APPL2: variants seen among roughly 807,000 people sequenced by gnomAD.
APPL2 encodes the protein DCC-interacting protein 13-beta.
Under a neutral mutation model 92.7 loss-of-function variants are expected in APPL2, and 84 were observed. The ratio of observed to expected loss-of-function variants is 0.91; its 90% CI spans 0.76 to 1.09. The LOEUF (loss-of-function observed/expected upper bound fraction) is 1.09, where lower values mean the gene tolerates loss of function less well. Among genes scored for constraint, APPL2 ranks in the 50% least tolerant of loss-of-function variants. APPL2 has a pLI of 0.00. For missense variants in APPL2, 736 were observed against 824.5 expected, an observed-to-expected ratio of 0.89 and a Z score of 1.31; for synonymous variants, 291 against 291.0, an observed-to-expected ratio of 1.00 and a Z score of 0.00.
At chr12:105,188,695 A>G (rs1886944695) in intron 16 of APPL2, among the ~76,000 whole-genome samples, 1 of 152,254 alleles carries the variant, frequency 6.6e-6, no homozygotes, top group Non-Finnish European at 1.5e-5. Context: ...AAATGAAATG[A>G]TGGTGGTACC....
At chr12:105,174,600 A>G in intron 20 of APPL2, 152 bp from the exon 21 acceptor site, 2 of 714,848 alleles carry the variant, frequency 2.8e-6, no homozygotes, top group Non-Finnish European at 2.1e-6. Flanking sequence ...TTGCTTCTCA[A>G]ACTCAGGCAT....
chr12:105,210,677 A>G (rs1889138618), intron 5 of APPL2, among the ~76,000 whole-genome samples: 1 of 152,246 alleles, frequency 6.6e-6, no homozygotes, highest in African/African-American at 2.4e-5. Context: ...ACTGACTCAC[A>G]GATTCCCTTA....
Position 105,235,962 on chromosome 12 carries a change from G to A in APPL2, c.51C>T (p.Pro17=). ...LLLEEALQDS[P]QTRSLLSVFE... ...GCACCGGAGCGGCGGGAGGTACCTG[G>A]GGGCTGTCCTGCAACGCCTCCTCTA... Residue 17 remains proline, a synonymous_variant, in exon 1 of 21, where the codon CCC becomes CCT. Coordinates refer to ENST00000258530, the MANE Select transcript of APPL2 (RefSeq NM_018171.5). 2 of 1,249,578 alleles carry A rather than the reference G, an allele frequency of 1.6e-6. No homozygotes were observed. Among genetic ancestry groups the A allele is most frequent in the Non-Finnish European group, 1.0e-6 (1 of 988,530 alleles). 77.4% of individuals were successfully genotyped at this position (1,249,578 alleles called of 1,614,324 possible).
At chr12:105,197,303 A>G in intron 11 of APPL2, among the ~76,000 whole-genome samples, 1 of 152,138 alleles carries the variant, frequency 6.6e-6, no homozygotes, top group Admixed American at 6.5e-5. Flanking sequence ...GCAGCCGACG[A>G]TGCTGCTGCA....
At chr12:105,183,025 T>C (rs1886256071) in intron 17 of APPL2, among the ~76,000 whole-genome samples, 1 of 152,140 alleles carries the variant, frequency 6.6e-6, no homozygotes, top group Non-Finnish European at 1.5e-5. Flanking sequence ...TTTGTCTTTT[T>C]TGATTTCAAG....
chr12:105,196,069 A>AG (rs1199327901), intron 11 of APPL2, among the ~76,000 whole-genome samples: 7 of 151,572 alleles, frequency 4.6e-5, no homozygotes, highest in Non-Finnish European at 7.4e-5. Context: ...AAAAAAAAAA[A>AG]AAAGAAAAAG....
chr12:105,212,118 C>CAAAAAAAAA (rs5800657), intron 4 of APPL2, among the ~76,000 whole-genome samples: 4 of 72,396 alleles, frequency 5.5e-5, no homozygotes, highest in Admixed American at 1.9e-4. Flanking sequence ...GACTCCATCT[C>CAAAAAAAAA]AAAAAAAAAA....
At chr12:105,226,929 A>C (rs1290920456) in intron 2 of APPL2, among the ~76,000 whole-genome samples, 4 of 152,096 alleles carry the variant, frequency 2.6e-5, no homozygotes, top group Non-Finnish European at 5.9e-5. Context: ...CCTGGGCAAC[A>C]TAGTAGGACC....
chr12:105,211,172 TA>T (rs1889179033), intron 5 of APPL2, 57 bp downstream of exon 5: 1 of 1,181,694 alleles, frequency 8.5e-7, no homozygotes, highest in African/African-American at 1.5e-5. Context: ...TAAGAATTAT[TA>T]TGAAATGCAT....
intron 11 of APPL2, 64 bp from the exon 12 acceptor site, chr12:105,195,691 C>CATTT (rs1480076620): frequency 6.3e-7 from 1 of 1,580,880 alleles, no homozygotes; most frequent in Non-Finnish European, 8.7e-7. Flanking sequence ...AATTTCTCTA[C>CATTT]ATAAACTGAA....
chr12:105,206,730 A>G (rs1180192776), intron 8 of APPL2: 2 of 212,992 alleles, frequency 9.4e-6, no homozygotes, highest in Admixed American at 5.3e-5. Flanking sequence ...AGCTATCCCA[A>G]CCCCAGTGGT....
At chr12:105,181,860 T>C (rs1886145351) in intron 17 of APPL2, among the ~76,000 whole-genome samples, 1 of 152,170 alleles carries the variant, frequency 6.6e-6, no homozygotes, top group African/African-American at 2.4e-5. Context: ...TCTTTTCTTC[T>C]TTATTAGTCT....
At chr12:105,233,426 A>C in intron 1 of APPL2, 1 of 985,030 alleles carries the variant, frequency 1.0e-6, no homozygotes, top group Non-Finnish European at 1.2e-6. Context: ...CAGCACTGCA[A>C]ACTAAAAAGG....
chr12:105,198,294 C>T (rs1052378426), intron 10 of APPL2, among the ~76,000 whole-genome samples: 1 of 152,184 alleles, frequency 6.6e-6, no homozygotes, highest in African/African-American at 2.4e-5. Flanking sequence ...TCTCTGACAC[C>T]TGGAGCTGAG....
Position 105,208,027 on chromosome 12 carries a change from G to T in APPL2, c.418C>A (p.His140Asn). 6.2e-7 allele frequency: 1 copy of T among 1,614,104 alleles called. No homozygotes were observed. The highest frequency in any genetic ancestry group is 8.5e-7 in the Non-Finnish European group (1 of 1,179,972). The change falls in exon 7 of 21, where the codon CAT (histidine) becomes AAT (asparagine). Residue 140 changes from histidine to asparagine, a missense_variant and splice_region_variant. Physicochemically the swap from His to Asn is moderately conservative, Grantham distance 68. Transcript: ENST00000258530. ...KDLFGLASNE[H>N]DLSMAKYSRL... ...CTGTATTTTGCCATTGAGAGGTCATGCTCTAAAAATAAACAGACATCTGAA... is the reference window on the plus strand; with the variant it reads ...CTGTATTTTGCCATTGAGAGGTCATTCTCTAAAAATAAACAGACATCTGAA...
chr12:105,215,474 T>G (rs1360767993), intron 4 of APPL2, among the ~76,000 whole-genome samples: 1 of 152,192 alleles, frequency 6.6e-6, no homozygotes, highest in Non-Finnish European at 1.5e-5. Flanking sequence ...TCATATGACG[T>G]GTTCACTTTT....
At chr12:105,235,331 G>C (rs1282180195) in intron 1 of APPL2, 1 of 152,224 alleles carries the variant, frequency 6.6e-6, no homozygotes, top group Non-Finnish European at 1.5e-5. Context: ...TGCTAATGAA[G>C]TTCCCTTGTG....
intron 17 of APPL2, among the ~76,000 whole-genome samples, chr12:105,183,518 C>T (rs1227914340): frequency 1.3e-5 from 2 of 152,090 alleles, no homozygotes; most frequent in African/African-American, 2.4e-5. Context: ...GCTTATGAAG[C>T]TTAGTTTGGC....
intron 4 of APPL2, among the ~76,000 whole-genome samples, chr12:105,214,369 T>C (rs1240729228): frequency 1.3e-5 from 2 of 152,208 alleles, no homozygotes; most frequent in Non-Finnish European, 2.9e-5. Flanking sequence ...CAAGCAAACA[T>C]GTGACTCAGG....
Sources: allele counts gnomAD v4.1 joint callset (sites outside exome capture counted in the v4.1 genomes callset), GRCh38; gene constraint gnomAD v4.1.1; transcripts MANE v1.5; gene names NCBI Gene and HGNC (gene_info 2026-07-23, HGNC 2026-07-21).